CADPS2: variants seen among roughly 807,000 people sequenced by gnomAD.
CADPS2 encodes calcium dependent secretion activator 2.
A neutral mutation model predicts 172.5 loss-of-function variants in CADPS2; 93 were observed. That is an observed-to-expected ratio of 0.54 (90% CI 0.46 to 0.64). The LOEUF (loss-of-function observed/expected upper bound fraction) is 0.64. Ranked by LOEUF, CADPS2 falls within the 30% of genes least tolerant of loss-of-function variation. The pLI is 0.00. For synonymous variants in CADPS2, 546 were observed against 555.2 expected (o/e 0.98, Z 0.23); for missense variants, 1,420 against 1,565.9 (o/e 0.91, Z 1.57).
chr7:122,530,012 T>C (rs192088649), intron 8 of CADPS2, among the ~76,000 whole-genome samples: 1 of 152,254 alleles, frequency 6.6e-6, no homozygotes, highest in African/African-American at 2.4e-5. Flanking sequence ...AAGACATATT[T>C]TGGAATTAGT....
At chr7:122,634,347 G>C (rs1006899368) in intron 3 of CADPS2, among the ~76,000 whole-genome samples, 1 of 152,086 alleles carries the variant, frequency 6.6e-6, no homozygotes, top group African/African-American at 2.4e-5. Context: ...TTCAATTTCA[G>C]CATTTGTTAC....
intron 17 of CADPS2, among the ~76,000 whole-genome samples, chr7:122,433,744 G>T (rs1328972679): frequency 6.6e-6 from 1 of 152,156 alleles, no homozygotes; most frequent in East Asian, 1.9e-4. Flanking sequence ...TTTAATAAAA[G>T]TATATTTCCT....
At chr7:122,878,163 G>C (rs746254540) in intron 1 of CADPS2, among the ~76,000 whole-genome samples, 7 of 150,894 alleles carry the variant, frequency 4.6e-5, no homozygotes, top group Non-Finnish European at 7.4e-5. Context: ...GGGGGGCTGA[G>C]ACAGGAGAAT....
chr7:122,591,989 G>A (rs981675696), intron 6 of CADPS2, among the ~76,000 whole-genome samples: 1 of 149,768 alleles, frequency 6.7e-6, no homozygotes, highest in African/African-American at 2.5e-5. Flanking sequence ...TGACAAATGG[G>A]ATCTAATTAA....
At chr7:122,752,944 A>G (rs1446096882) in intron 1 of CADPS2, among the ~76,000 whole-genome samples, 2 of 152,174 alleles carry the variant, frequency 1.3e-5, no homozygotes, top group Admixed American at 1.3e-4. Flanking sequence ...GAAGGAAACA[A>G]GAAGAAGATG....
intron 1 of CADPS2, among the ~76,000 whole-genome samples, chr7:122,884,558 C>G (rs1233765966): frequency 1.3e-5 from 2 of 152,052 alleles, no homozygotes; most frequent in African/African-American, 4.8e-5. Context: ...GTTAGGTTAC[C>G]TGAAGGATCT....
intron 2 of CADPS2, among the ~76,000 whole-genome samples, chr7:122,691,571 A>G (rs1253535136): frequency 1.3e-5 from 2 of 152,204 alleles, no homozygotes; most frequent in African/African-American, 4.8e-5. Context: ...TCTGCAAGAG[A>G]ACCAGAGGTT....
At chr7:122,787,104 A>G (rs1384476401) in intron 1 of CADPS2, among the ~76,000 whole-genome samples, 1 of 152,212 alleles carries the variant, frequency 6.6e-6, no homozygotes, top group African/African-American at 2.4e-5. Context: ...CCACTCCAGA[A>G]GGAATACAAA....
intron 3 of CADPS2, among the ~76,000 whole-genome samples, 193 bp downstream of exon 3, chr7:122,663,044 C>T (rs2080782413): frequency 6.6e-6 from 1 of 152,172 alleles, no homozygotes; most frequent in African/African-American, 2.4e-5. Flanking sequence ...TACTGATATT[C>T]TTCTCCTTCT....
At chr7:122,648,382 C>T (rs2078781934) in intron 3 of CADPS2, among the ~76,000 whole-genome samples, 1 of 152,090 alleles carries the variant, frequency 6.6e-6, no homozygotes, top group Non-Finnish European at 1.5e-5. Flanking sequence ...AAATTCCAGA[C>T]TTCTATAACC....
intron 7 of CADPS2, among the ~76,000 whole-genome samples, chr7:122,575,589 A>C (rs2067923957): frequency 6.6e-6 from 1 of 151,872 alleles, no homozygotes; most frequent in African/African-American, 2.4e-5. Flanking sequence ...GGTGTGCACC[A>C]CCACACCCAG....
At chr7:122,574,039 A>G (rs1023827246) in intron 7 of CADPS2, among the ~76,000 whole-genome samples, 2 of 152,130 alleles carry the variant, frequency 1.3e-5, no homozygotes, top group Admixed American at 6.6e-5. Flanking sequence ...TATCTTTACT[A>G]TGTAAGTTTG....
At position 122,552,834 on chromosome 7, in the gene CADPS2, A is replaced by C. The variant is rs141230795; in HGVS notation, c.1475+1716T>G. Among the ~76,000 whole-genome samples, 1,063 of 151,794 alleles carry C rather than the reference A, an allele frequency of 7.0e-3. 15 individuals are homozygous for C. Among genetic ancestry groups the C allele is most frequent in the African/African-American group, 0.024 (1,005 of 41,378 alleles). On this transcript the variant is annotated intron_variant, in intron 8 of 29. Transcript: ENST00000449022. ...ATCAAAAGAAAAAGGGACTGAGTGA[A>C]AAAGGGTAGAGAAACAACTGCAGTT...
chr7:122,389,349 G>C (rs2044092566), intron 22 of CADPS2, among the ~76,000 whole-genome samples: 2 of 151,972 alleles, frequency 1.3e-5, no homozygotes, highest in Non-Finnish European at 2.9e-5. Context: ...TTGTCTGACA[G>C]AGAAATGACA....
Position 122,530,528 on chromosome 7 carries a change from T to C in CADPS2, c.1476-17213A>G, listed in dbSNP as rs563041861. On this transcript the variant is annotated intron_variant, in intron 8 of 29. Transcript: ENST00000449022. Reference sequence around the variant, plus strand: ...TTATAACAACTTACCTTTCAAAAGATAAATTTTCTATATTCTAAGTATTGT... The same window carrying C: ...TTATAACAACTTACCTTTCAAAAGACAAATTTTCTATATTCTAAGTATTGT... Among the ~76,000 whole-genome samples, 5 of 152,274 alleles carry C rather than the reference T, an allele frequency of 3.3e-5. No individual in the cohort carries two copies. In the East Asian group the frequency reaches 9.6e-4, roughly 29 times the overall value.
At chr7:122,713,398 C>T (rs1016573180) in intron 2 of CADPS2, among the ~76,000 whole-genome samples, 1 of 152,000 alleles carries the variant, frequency 6.6e-6, no homozygotes, top group Admixed American at 6.6e-5. Flanking sequence ...AACATTAGTA[C>T]CAAATTTTTG....
chr7:122,866,275 A>G (rs1276986413), intron 1 of CADPS2, among the ~76,000 whole-genome samples: 1 of 152,188 alleles, frequency 6.6e-6, no homozygotes, highest in African/African-American at 2.4e-5. Context: ...ATTACCTCTC[A>G]GGCTACCACC....
At chr7:122,379,511 C>T (rs1249682634) in intron 24 of CADPS2, 69 bp from the exon 25 acceptor site, 39 of 909,050 alleles carry the variant, frequency 4.3e-5, no homozygotes, top group Non-Finnish European at 6.8e-5. Context: ...GTCATAAATG[C>T]TCTAAATCTA....
At chr7:122,617,282 A>C (rs576124278) in intron 5 of CADPS2, among the ~76,000 whole-genome samples, 2 of 152,330 alleles carry the variant, frequency 1.3e-5, no homozygotes, top group African/African-American at 4.8e-5. Context: ...TGATGAATCT[A>C]TATGTATAAA....
Sources: gnomAD v4.1 joint callset for allele counts (sites outside exome capture counted in the v4.1 genomes callset) on GRCh38, gnomAD v4.1.1 for gene constraint, MANE v1.5 for transcripts, NCBI Gene and HGNC (gene_info 2026-07-23, HGNC 2026-07-21) for gene names.